Variants in ZBTB44 observed in about 807,000 individuals in gnomAD.
ZBTB44 encodes the protein zinc finger and BTB domain containing 44.
ZBTB44 carries 15 observed loss-of-function variants against 54.0 expected under a neutral mutation model. The observed-to-expected ratio is 0.28, with a 90% CI of 0.19 to 0.43. The LOEUF (loss-of-function observed/expected upper bound fraction) is 0.43, where lower values mean the gene tolerates loss of function less well. Ranked by LOEUF, ZBTB44 falls within the 20% of genes least tolerant of loss-of-function variation. The pLI is 1.00. For missense variants in ZBTB44, 487 were observed against 707.1 expected, an observed-to-expected ratio of 0.69 and a Z score of 3.53; for synonymous variants, 230 against 250.1, an observed-to-expected ratio of 0.92 and a Z score of 0.76.
chr11:130,295,958 T>A (rs2134405079), intron 1 of ZBTB44: 1 of 1,534,032 alleles, frequency 6.5e-7, no homozygotes, highest in Middle Eastern at 2.3e-4. Flanking sequence ...GGGATCAACA[T>A]CACTGTGGCC....
chr11:130,254,841 T>C (rs1005482570), intron 2 of ZBTB44, among the ~76,000 whole-genome samples: 13 of 152,100 alleles, frequency 8.5e-5, no homozygotes, highest in Admixed American at 7.2e-4. Context: ...TCATCAATGA[T>C]AGACAGGATT....
chr11:130,268,766 G>T (rs766464637), intron 1 of ZBTB44, among the ~76,000 whole-genome samples: 4 of 151,690 alleles, frequency 2.6e-5, no homozygotes, highest in Admixed American at 6.6e-5. Flanking sequence ...TTTTAGTAGA[G>T]ATGGGGTTTC....
intron 2 of ZBTB44, among the ~76,000 whole-genome samples, chr11:130,250,462 T>C (rs368787530): frequency 2.6e-5 from 4 of 152,342 alleles, no homozygotes; most frequent in African/African-American, 9.6e-5. Context: ...AGTGGGTCCC[T>C]GACCCCCATG....
intron 7 of ZBTB44, chr11:130,233,049 T>C (rs1311210939): frequency 2.6e-6 from 1 of 379,858 alleles, no homozygotes; most frequent in Non-Finnish European, 4.6e-6. Flanking sequence ...AATAGAGAAT[T>C]ATTTATTATG....
At chr11:130,274,089 TAA>T (rs796558116) in intron 1 of ZBTB44, among the ~76,000 whole-genome samples, 1 of 141,468 alleles carries the variant, frequency 7.1e-6, no homozygotes, top group Non-Finnish European at 1.6e-5. Context: ...TTGTCTCAAA[TAA>T]AAAAAAAAAA....
chr11:130,275,581 T>G (rs1363222439), intron 1 of ZBTB44, among the ~76,000 whole-genome samples: 40 of 152,176 alleles, frequency 2.6e-4, no homozygotes, highest in Admixed American at 2.6e-3. Flanking sequence ...CTTCTCAAAT[T>G]TTTTCCTGCT....
chr11:130,249,167 A>C (rs1937778193), intron 2 of ZBTB44, among the ~76,000 whole-genome samples: 1 of 152,164 alleles, frequency 6.6e-6, no homozygotes, highest in Non-Finnish European at 1.5e-5. Context: ...GGGAGTGGTA[A>C]AGGATGACTA....
chr11:130,247,743 GA>G (rs35679069), intron 2 of ZBTB44, among the ~76,000 whole-genome samples: 3 of 150,804 alleles, frequency 2.0e-5, no homozygotes, highest in African/African-American at 7.3e-5. Context: ...AAGCCAGTGA[GA>G]AAAAAAAACC....
chr11:130,301,483 G>A (rs1941984212), intron 1 of ZBTB44, among the ~76,000 whole-genome samples: 1 of 152,098 alleles, frequency 6.6e-6, no homozygotes, highest in Non-Finnish European at 1.5e-5. Context: ...GTAAGATCAC[G>A]TAGATGCGGG....
In ZBTB44 at chr11:130,234,156, C is replaced by T. The variant is rs568972204; in HGVS notation, c.1686G>A (p.Gln562=). The T allele has an allele frequency of 1.9e-5, 30 of 1,544,490 alleles. No homozygotes were observed. Among genetic ancestry groups the T allele is most frequent in the Non-Finnish European group, 2.5e-5 (29 of 1,144,026 alleles). ...TTTCACAATTCTGGGTTGAGGAGAC[C>T]TGTGAAATGACAGGCATTTGAACAG... The part of the protein sequence containing the change: ...NSSVQMPVIS[Q]YHSKGKEP The change falls in exon 6 of 8, where the codon CAG becomes CAA. Residue 562 remains glutamine (Q), a splice_region_variant and synonymous_variant. Transcript: ENST00000357899.
chr11:130,281,761 A>AT (rs1301115198), intron 1 of ZBTB44, among the ~76,000 whole-genome samples: 1 of 151,700 alleles, frequency 6.6e-6, no homozygotes, highest in Non-Finnish European at 1.5e-5. Flanking sequence ...CACCCAGCTA[A>AT]TTTTTTGTAT....
intron 1 of ZBTB44, among the ~76,000 whole-genome samples, chr11:130,300,029 A>G (rs1941905994): frequency 6.6e-6 from 1 of 152,240 alleles, no homozygotes. Context: ...AACCTTGAAG[A>G]CATTATGCGA....
chr11:130,262,983 C>G (rs1222879005), intron 1 of ZBTB44, among the ~76,000 whole-genome samples: 4 of 152,188 alleles, frequency 2.6e-5, no homozygotes, highest in Non-Finnish European at 5.9e-5. Flanking sequence ...ATCACTTGAG[C>G]CTGGGAGGTG....
intron 1 of ZBTB44, among the ~76,000 whole-genome samples, chr11:130,267,006 TATA>T (rs1939298932): frequency 6.6e-6 from 1 of 152,216 alleles, no homozygotes; most frequent in Non-Finnish European, 1.5e-5. Context: ...TGGCTCACCC[TATA>T]ATCCCAGTAC....
At chr11:130,265,391 A>T (rs1278803163) in intron 1 of ZBTB44, among the ~76,000 whole-genome samples, 1 of 152,040 alleles carries the variant, frequency 6.6e-6, no homozygotes, top group East Asian at 1.9e-4. Flanking sequence ...AGCCCAGCTA[A>T]TTTTTGTATT....
intron 2 of ZBTB44, among the ~76,000 whole-genome samples, chr11:130,249,817 A>G (rs1565651734): frequency 1.3e-5 from 2 of 152,202 alleles, no homozygotes; most frequent in Non-Finnish European, 2.9e-5. Context: ...GGTTTCAAGC[A>G]CAAAACTGGG....
chr11:130,235,293 G>A (rs763904985), intron 5 of ZBTB44, among the ~76,000 whole-genome samples: 2 of 152,086 alleles, frequency 1.3e-5, no homozygotes, highest in Non-Finnish European at 2.9e-5. Flanking sequence ...GAGAATACAG[G>A]GCTCTGTACA....
intron 2 of ZBTB44, among the ~76,000 whole-genome samples, chr11:130,253,746 G>C (rs112423298): frequency 0.013 from 1,974 of 152,236 alleles, 48 homozygotes; most frequent in African/African-American, 0.045. Context: ...AACCAAAAAA[G>C]AGCCTGCATT....
At chr11:130,233,189 G>A in intron 7 of ZBTB44, 119 bp downstream of exon 7, 1 of 1,373,790 alleles carries the variant, frequency 7.3e-7, no homozygotes, top group East Asian at 2.5e-5. Flanking sequence ...GATGGGGCAG[G>A]GGGAAAACTG....
Sources: allele counts gnomAD v4.1 joint callset (sites outside exome capture counted in the v4.1 genomes callset), GRCh38; gene constraint gnomAD v4.1.1; transcripts MANE v1.5; gene names NCBI Gene and HGNC (gene_info 2026-07-23, HGNC 2026-07-21).